The following TOX3 variants were observed in gnomAD, a reference collection of about 807,000 sequenced individuals.
The protein encoded by TOX3 is CAG trinucleotide repeat-containing gene F9 protein.
TOX3 carries 22 observed loss-of-function variants against 64.3 expected under a neutral mutation model. The ratio of observed to expected loss-of-function variants is 0.34; its 90% CI spans 0.24 to 0.49. The LOEUF (loss-of-function observed/expected upper bound fraction) is 0.49, where lower values mean the gene tolerates loss of function less well. TOX3 is among the 20% of genes least tolerant of loss of function. The pLI is 0.99. For synonymous variants in TOX3, 291 were observed against 273.6 expected, an observed-to-expected ratio of 1.06 and a Z score of -0.63; for missense variants, 661 against 714.4, an observed-to-expected ratio of 0.93 and a Z score of 0.85.
intron 5 of TOX3, chr16:52,445,328 C>A (rs1442164938): frequency 6.6e-6 from 1 of 152,184 alleles, no homozygotes; most frequent in African/African-American, 2.4e-5. Context: ...TAAAAGTTAA[C>A]TTCTTTTAAT....
chr16:52,443,770 T>C (rs1040711640), intron 6 of TOX3, among the ~76,000 whole-genome samples: 6 of 152,336 alleles, frequency 3.9e-5, no homozygotes, highest in African/African-American at 7.2e-5. Context: ...CTCTATATAA[T>C]ACATGTAGGT....
At chr16:52,545,448 C>A (rs1463882905) in intron 1 of TOX3, among the ~76,000 whole-genome samples, 1 of 152,182 alleles carries the variant, frequency 6.6e-6, no homozygotes. Flanking sequence ...GGAACACGAG[C>A]CTCCATCAGC....
At chr16:52,542,031 A>G (rs1395866420) in intron 1 of TOX3, among the ~76,000 whole-genome samples, 2 of 152,244 alleles carry the variant, frequency 1.3e-5, no homozygotes, top group Admixed American at 6.5e-5. Context: ...ACGGATCCAT[A>G]TCAACTCAGA....
intron 1 of TOX3, among the ~76,000 whole-genome samples, chr16:52,489,306 CACTA>C (rs1961611784): frequency 6.6e-6 from 1 of 152,116 alleles, no homozygotes; most frequent in Non-Finnish European, 1.5e-5. Flanking sequence ...CCCCTAAACC[CACTA>C]ACTATGTGTC....
chr16:52,478,269 A>G (rs543407587), intron 1 of TOX3, among the ~76,000 whole-genome samples: 6 of 152,274 alleles, frequency 3.9e-5, no homozygotes, highest in African/African-American at 1.2e-4. Context: ...GCTGCCACCC[A>G]CTAAGCTCCA....
At chr16:52,542,683 TC>T (rs1257859512) in intron 1 of TOX3, among the ~76,000 whole-genome samples, 1 of 152,172 alleles carries the variant, frequency 6.6e-6, no homozygotes, top group African/African-American at 2.4e-5. Context: ...AGTTTAAGGC[TC>T]TTAGGAAAAC....
intron 2 of TOX3, 57 bp downstream of exon 2, chr16:52,468,452 T>C: frequency 6.7e-7 from 1 of 1,494,416 alleles, no homozygotes; most frequent in Admixed American, 1.7e-5. Context: ...TTCAAGCCTA[T>C]TAAATTATCT....
intron 1 of TOX3, among the ~76,000 whole-genome samples, chr16:52,530,651 C>CTT (rs775935969): frequency 4.1e-5 from 6 of 145,396 alleles, no homozygotes; most frequent in Admixed American, 6.9e-5. Flanking sequence ...CCTGGCCCCT[C>CTT]TTTTTTTTTT....
At chr16:52,523,520 C>A (rs1384771334) in intron 1 of TOX3, among the ~76,000 whole-genome samples, 1 of 152,116 alleles carries the variant, frequency 6.6e-6, no homozygotes, top group Non-Finnish European at 1.5e-5. Flanking sequence ...AAACTAGATT[C>A]CCCACCTTCT....
intron 1 of TOX3, among the ~76,000 whole-genome samples, chr16:52,536,763 G>A (rs1181519751): frequency 6.9e-6 from 1 of 145,134 alleles, no homozygotes; most frequent in Non-Finnish European, 1.5e-5. Flanking sequence ...CAATCCACTG[G>A]CCCTTTTCCT....
intron 1 of TOX3, among the ~76,000 whole-genome samples, chr16:52,515,082 T>G (rs180970289): frequency 3.2e-4 from 47 of 147,922 alleles, no homozygotes; most frequent in Non-Finnish European, 5.3e-4. Flanking sequence ...AGCTCGAGTC[T>G]GTCTTGTTTT....
intron 1 of TOX3, among the ~76,000 whole-genome samples, chr16:52,544,227 C>G (rs1213646801): frequency 6.6e-6 from 1 of 152,132 alleles, no homozygotes; most frequent in East Asian, 1.9e-4. Flanking sequence ...CTATATTGAA[C>G]AGCACCACTT....
At chr16:52,440,407 T>A (rs1959930421) in intron 6 of TOX3, among the ~76,000 whole-genome samples, 2 of 152,198 alleles carry the variant, frequency 1.3e-5, no homozygotes, top group South Asian at 4.1e-4. Flanking sequence ...GTTCTACCAA[T>A]CCTGGCCTAG....
At chr16:52,503,703 A>G (rs1225065425) in intron 1 of TOX3, among the ~76,000 whole-genome samples, 1 of 152,212 alleles carries the variant, frequency 6.6e-6, no homozygotes, top group African/African-American at 2.4e-5. Flanking sequence ...TTATTCTCCA[A>G]CTTCCAAAAA....
At chr16:52,496,059 A>C (rs1047977849) in intron 1 of TOX3, among the ~76,000 whole-genome samples, 13 of 152,180 alleles carry the variant, frequency 8.5e-5, no homozygotes, top group Admixed American at 6.6e-4. Flanking sequence ...CTAACTAAAG[A>C]CTTAAAAGCC....
chr16:52,518,198 A>G (rs1384798095), intron 1 of TOX3, among the ~76,000 whole-genome samples: 1 of 152,202 alleles, frequency 6.6e-6, no homozygotes, highest in Non-Finnish European at 1.5e-5. Context: ...TCTTTTCCGT[A>G]TATACTTAAC....
chr16:52,471,167 T>G (rs759936989), intron 1 of TOX3, among the ~76,000 whole-genome samples: 129 of 152,232 alleles, frequency 8.5e-4, no homozygotes, highest in Non-Finnish European at 5.6e-4. Flanking sequence ...AAAAGAACTA[T>G]TCTTTATTTA....
intron 1 of TOX3, among the ~76,000 whole-genome samples, chr16:52,532,243 A>G (rs1027773861): frequency 2.0e-5 from 3 of 152,236 alleles, no homozygotes; most frequent in African/African-American, 7.2e-5. Context: ...GGCTCCTCCC[A>G]TCAAGAAATG....
intron 1 of TOX3, among the ~76,000 whole-genome samples, chr16:52,542,346 T>C (rs1963092375): frequency 6.6e-6 from 1 of 152,220 alleles, no homozygotes; most frequent in Admixed American, 6.5e-5. Context: ...TGGATCCTCA[T>C]CTACATATGA....
Sources: gnomAD v4.1 joint callset for allele counts (sites outside exome capture counted in the v4.1 genomes callset) on GRCh38, gnomAD v4.1.1 for gene constraint, MANE v1.5 for transcripts, NCBI Gene and HGNC (gene_info 2026-07-23, HGNC 2026-07-21) for gene names.